The following ADGRL1 variants were observed in gnomAD, a reference collection of about 807,000 sequenced individuals.
ADGRL1 encodes the protein adhesion G protein-coupled receptor L1.
ADGRL1 carries 31 observed loss-of-function variants against 148.9 expected under a neutral mutation model. That is an observed-to-expected ratio of 0.21 (90% CI 0.16 to 0.28). The LOEUF is 0.28. ADGRL1 is among the 10% of genes least tolerant of loss of function. ADGRL1 has a pLI of 1.00. For synonymous variants in ADGRL1, 937 were observed against 900.3 expected, an observed-to-expected ratio of 1.04 and a Z score of -0.73; for missense variants, 1,521 against 2,058.8, an observed-to-expected ratio of 0.74 and a Z score of 5.05.
chr19:14,177,458 C>T (rs1214239666), intron 3 of ADGRL1, 73 bp downstream of exon 3: 19 of 1,352,462 alleles, frequency 1.4e-5, no homozygotes, highest in South Asian at 2.4e-5. Flanking sequence ...GTAAGGTGAA[C>T]GGGTGTGCTG....
intron 1 of ADGRL1, among the ~76,000 whole-genome samples, chr19:14,192,753 A>T (rs1034522941): frequency 6.8e-6 from 1 of 146,362 alleles, no homozygotes; most frequent in Admixed American, 6.8e-5. Context: ...GTTTCGCCAT[A>T]TTGGTCAGGC....
rs1303972722 is a variant in ADGRL1, at chr19:14,152,061, G to A, written c.3667+72C>T. The A allele has an allele frequency of 7.0e-7, 1 of 1,432,970 alleles. No homozygotes were observed. The highest frequency in any genetic ancestry group is 9.9e-7 in the Non-Finnish European group (1 of 1,015,128). The allele number at this position is 1,432,970 out of a possible 1,614,324, so 88.8% of individuals were successfully genotyped here. A position where few individuals can be genotyped will look rare whatever the true frequency, so the allele number is the denominator to read the frequency against. On this transcript the variant is annotated intron_variant, in intron 22 of 22. Coordinates refer to ENST00000361434, the MANE Select transcript of ADGRL1 (RefSeq NM_014921.5). The surrounding 1 kb of genome is among the most constrained non-coding windows in gnomAD (Gnocchi z 6.1). ...ATCCCGAGTTCTCCTCCTTAAGTGA[G>A]GCCGTCTGAGAAGGCCACTGTCTGT... is the stretch of plus-strand genomic sequence containing the variant.
rs907012092 is a variant in ADGRL1 at position 14,156,151 on chromosome 19, T to C, written c.3084A>G (p.Ser1028=). 6.2e-7 allele frequency: 1 copy of C among 1,609,836 alleles called. No individual in the cohort carries two copies. The highest frequency in any genetic ancestry group is 8.5e-7 in the Non-Finnish European group (1 of 1,177,456). The part of the protein sequence containing the change: ...MVTLHKMIRS[S]SVLKPDSSRL... ...GGCTGGAGTCGGGCTTGAGCACAGATGAGCTTCGGATCATCTTGTGCAGGG... is the reference window on the plus strand; with the variant it reads ...GGCTGGAGTCGGGCTTGAGCACAGACGAGCTTCGGATCATCTTGTGCAGGG... Residue 1028 remains serine, a synonymous_variant, in exon 17 of 23, where the codon TCA becomes TCG. Coordinates refer to ENST00000361434, the MANE Select transcript of ADGRL1 (RefSeq NM_014921.5).
rs1244978698 is a variant in ADGRL1, at chr19:14,161,792, GC to G, written c.1196-167del. On this transcript the variant is annotated intron_variant, in intron 5 of 22. Coordinates refer to ENST00000361434, the MANE Select transcript of ADGRL1 (RefSeq NM_014921.5). The surrounding 1 kb of genome is among the most constrained non-coding windows in gnomAD (Gnocchi z 4.4). ...AGTTGATCTCCCCTGGCCGCTCTGT[GC>G]CCACCAAAGTCCCTTATGCCCATGG... 1.4e-4 allele frequency among the ~76,000 whole-genome samples: 22 copies of G among 152,140 alleles called. No homozygotes were observed. Among genetic ancestry groups the G allele is most frequent in the African/African-American group, 5.3e-4 (22 of 41,408 alleles).
intron 1 of ADGRL1, among the ~76,000 whole-genome samples, chr19:14,200,488 T>C (rs1972528571): frequency 6.6e-6 from 1 of 152,124 alleles, no homozygotes; most frequent in East Asian, 1.9e-4. Flanking sequence ...TTTACATTTT[T>C]AAAGGACTGA....
intron 1 of ADGRL1, among the ~76,000 whole-genome samples, chr19:14,188,363 A>G (rs186501594): frequency 6.6e-6 from 1 of 152,230 alleles, no homozygotes; most frequent in Non-Finnish European, 1.5e-5. Flanking sequence ...TCAGGGCACA[A>G]AGACACCCAC....
At chr19:14,204,818 C>T (rs1226152869) in intron 1 of ADGRL1, among the ~76,000 whole-genome samples, 1 of 152,102 alleles carries the variant, frequency 6.6e-6, no homozygotes, top group African/African-American at 2.4e-5. Flanking sequence ...TGCCCCCAGG[C>T]ACACATGTTG....
rs1294767537 is a variant in ADGRL1, at chr19:14,155,227, A to T, written c.3294+132T>A. ...CCTCCCGGTGGACGCAGACCTGACC[A>T]CAGAAGCCCTGCAGCACTCACTGGG... On this transcript the variant is annotated intron_variant, in intron 18 of 22. Transcript: ENST00000361434. The surrounding 1 kb of genome is among the most constrained non-coding windows in gnomAD (Gnocchi z 5.0). The T allele has an allele frequency of 1.9e-6, 2 of 1,069,562 alleles. No homozygotes were observed. Among genetic ancestry groups the T allele is most frequent in the African/African-American group, 3.2e-5 (2 of 62,588 alleles). 66.3% of individuals were successfully genotyped at this position (1,069,562 alleles called of 1,614,324 possible). A position where few individuals can be genotyped will look rare whatever the true frequency, so the allele number is the denominator to read the frequency against.
intron 1 of ADGRL1, among the ~76,000 whole-genome samples, chr19:14,205,597 G>A (rs1308375086): frequency 6.6e-6 from 1 of 151,730 alleles, no homozygotes; most frequent in Non-Finnish European, 1.5e-5. Context: ...GCACCCGCGC[G>A]CACACGCACC....
At chr19:14,180,909 G>C (rs1039868879) in intron 2 of ADGRL1, among the ~76,000 whole-genome samples, 1 of 151,904 alleles carries the variant, frequency 6.6e-6, no homozygotes, top group Non-Finnish European at 1.5e-5. Flanking sequence ...TTAGCCGGGC[G>C]TGGTGGCAGG....
chr19:14,156,884 A>G, intron 15 of ADGRL1, 41 bp downstream of exon 15: 1 of 1,592,526 alleles, frequency 6.3e-7, no homozygotes, highest in South Asian at 1.1e-5. Flanking sequence ...CCCAGCAGGG[A>G]ACCAGGTGGG....
At chr19:14,156,409 G>A (rs942110902) in intron 16 of ADGRL1, among the ~76,000 whole-genome samples, 5 of 152,064 alleles carry the variant, frequency 3.3e-5, no homozygotes, top group Non-Finnish European at 7.4e-5. Flanking sequence ...CTGCTGGGAG[G>A]ACAAGGCCCA....
intron 1 of ADGRL1, among the ~76,000 whole-genome samples, chr19:14,203,125 C>T (rs966563000): frequency 6.6e-6 from 1 of 152,088 alleles, no homozygotes; most frequent in African/African-American, 2.4e-5. Context: ...TGTCTTGCCA[C>T]GGCACCTTCA....
At chr19:14,179,793 C>T (rs1971066992) in intron 2 of ADGRL1, among the ~76,000 whole-genome samples, 1 of 152,046 alleles carries the variant, frequency 6.6e-6, no homozygotes, top group Non-Finnish European at 1.5e-5. Flanking sequence ...CACCTGTAAT[C>T]CCAGCTACTT....
intron 4 of ADGRL1, among the ~76,000 whole-genome samples, chr19:14,165,958 T>C (rs1467730628): frequency 6.6e-6 from 1 of 151,960 alleles, no homozygotes; most frequent in African/African-American, 2.4e-5. Context: ...GAAATGGTCA[T>C]CCCTAACATC....
At chr19:14,171,007 G>A in intron 3 of ADGRL1, 1 of 512,484 alleles carries the variant, frequency 2.0e-6, no homozygotes. Flanking sequence ...GGTGGGAGGT[G>A]ATTGGATCAT....
Position 14,161,881 on chromosome 19 carries a change from C to T in ADGRL1, c.1196-255G>A, listed in dbSNP as rs765292044. ...ATGTGTACCATAAGGTCTGAGAGAA[C>T]GGTCAGGGGAGAGGCAGGGACAGAG... On this transcript the variant is annotated intron_variant, in intron 5 of 22. Transcript: ENST00000361434. The surrounding 1 kb of genome is among the most constrained non-coding windows in gnomAD (Gnocchi z 4.4). Among the ~76,000 whole-genome samples the T allele has an allele frequency of 4.7e-4, 71 of 152,258 alleles. 2 individuals are homozygous for T. The highest frequency in any genetic ancestry group is 6.8e-3 in the Middle Eastern group (2 of 294).
intron 3 of ADGRL1, among the ~76,000 whole-genome samples, chr19:14,176,861 T>C (rs1312984940): frequency 6.7e-6 from 1 of 149,512 alleles, no homozygotes; most frequent in East Asian, 2.0e-4. Context: ...GAGTCTGGGA[T>C]GAAGGGAAAA....
chr19:14,198,172 G>T (rs1192293827), intron 1 of ADGRL1, among the ~76,000 whole-genome samples: 1 of 151,970 alleles, frequency 6.6e-6, no homozygotes, highest in Non-Finnish European at 1.5e-5. Flanking sequence ...GGGCGGCTGG[G>T]GAGGGGGGTC....
Sources: allele counts gnomAD v4.1 joint callset (sites outside exome capture counted in the v4.1 genomes callset), GRCh38; gene constraint gnomAD v4.1.1; non-coding constraint Gnocchi (gnomAD v3.1); transcripts MANE v1.5; gene names NCBI Gene and HGNC (gene_info 2026-07-23, HGNC 2026-07-21).